The following AHRR variants were observed in gnomAD, a reference collection of about 807,000 sequenced individuals.
AHRR encodes the protein aryl hydrocarbon receptor repressor.
In AHRR, 28 loss-of-function variants were observed where a neutral mutation model predicts 44.0. That is an observed-to-expected ratio of 0.64 (90% CI 0.47 to 0.87). The LOEUF is 0.87. Ranked by LOEUF, AHRR falls within the 40% of genes least tolerant of loss-of-function variation. The pLI, the probability that AHRR is intolerant of heterozygous loss-of-function variation, is 0.00. For synonymous variants in AHRR, 434 were observed against 407.0 expected, an observed-to-expected ratio of 1.07 and a Z score of -0.80; for missense variants, 990 against 953.9, an observed-to-expected ratio of 1.04 and a Z score of -0.50.
intron 4 of AHRR, among the ~76,000 whole-genome samples, chr5:398,580 A>G (rs1734870876): frequency 6.6e-6 from 1 of 152,198 alleles, no homozygotes; most frequent in Non-Finnish European, 1.5e-5. Context: ...CCCAGCAGGC[A>G]GTGTCAGCAC....
At position 387,489 on chromosome 5, in the gene AHRR, T is replaced by A. The variant is rs1734215599; in HGVS notation, c.351+10773T>A. ...CACAGGGACGGATTTTCTCTCCAGG[T>A]GCTTATGTGCACACAAACCTTTGCC... On this transcript the variant is annotated intron_variant, in intron 4 of 10. Transcript: ENST00000684583. The surrounding 1 kb of genome is among the most constrained non-coding windows in gnomAD (Gnocchi z 5.1). Among the ~76,000 whole-genome samples the A allele has an allele frequency of 6.6e-6, 1 of 152,202 alleles. No individual in the cohort carries two copies. Among genetic ancestry groups the A allele is most frequent in the Non-Finnish European group, 1.5e-5 (1 of 68,030 alleles).
rs991544547 is a variant in AHRR, at chr5:419,666, C to T, written c.442-3063C>T. ...TTGTCCTGGCAAAGCCGGGGCCCTC[C>T]ATGGTGCCCGGCTCTTACTGCACAG... On this transcript the variant is annotated intron_variant, in intron 5 of 10. Transcript: ENST00000684583. The surrounding 1 kb of genome is among the most constrained non-coding windows in gnomAD (Gnocchi z 4.4). 1.3e-5 allele frequency among the ~76,000 whole-genome samples: 2 copies of T among 152,162 alleles called. No individual in the cohort carries two copies. The highest frequency in any genetic ancestry group is 1.5e-5 in the Non-Finnish European group (1 of 68,036).
At chr5:334,874 G>A (rs2126338102) in intron 1 of AHRR, among the ~76,000 whole-genome samples, 1 of 147,412 alleles carries the variant, frequency 6.8e-6, no homozygotes. Context: ...TACTGGAGAT[G>A]TGACTGGGAT....
intron 3 of AHRR, among the ~76,000 whole-genome samples, chr5:354,454 G>A (rs1742973377): frequency 1.3e-5 from 2 of 152,186 alleles, no homozygotes; most frequent in African/African-American, 2.4e-5. Context: ...CTGCCCTCTC[G>A]TGGGGAGGGG....
chr5:427,671 G>T (rs1446766609), intron 7 of AHRR, 136 bp from the exon 8 acceptor site: 1 of 1,613,402 alleles, frequency 6.2e-7, no homozygotes, highest in East Asian at 2.2e-5. Flanking sequence ...CTGCGGCTCT[G>T]CTGTCCCGAG....
At chr5:432,099 T>C in intron 8 of AHRR, 1 of 285,348 alleles carries the variant, frequency 3.5e-6, no homozygotes, top group East Asian at 1.0e-4. Context: ...CAGTGTTCAC[T>C]TCCTGGAACA....
chr5:432,253 C>T (rs368438449), intron 8 of AHRR: 24 of 545,466 alleles, frequency 4.4e-5, no homozygotes, highest in African/African-American at 7.6e-5. Context: ...TGAAAAGTGA[C>T]GTGACAATAT....
Position 354,413 on chromosome 5 carries a change from G to A in AHRR, c.244+502G>A, listed in dbSNP as rs573036086. ...GTGCCGGGCGCCTCCCCCTGCCCACGCCAGGCCGTGCCCGGACACAGCTGC... is the reference window on the plus strand; with the variant it reads ...GTGCCGGGCGCCTCCCCCTGCCCACACCAGGCCGTGCCCGGACACAGCTGC... On this transcript the variant is annotated intron_variant, in intron 3 of 10. Transcript: ENST00000684583. Among the ~76,000 whole-genome samples the A allele has an allele frequency of 1.5e-3, 225 of 152,256 alleles. 1 individual carries two copies. Among genetic ancestry groups the A allele is most frequent in the Non-Finnish European group, 7.4e-4 (50 of 67,998 alleles).
intron 8 of AHRR, among the ~76,000 whole-genome samples, chr5:429,685 C>T (rs1268589906): frequency 1.3e-5 from 2 of 152,266 alleles, no homozygotes; most frequent in Non-Finnish European, 2.9e-5. Context: ...GGCCTCCCCA[C>T]TCTGTGGGTA....
At chr5:397,497 C>T (rs1734782204) in intron 4 of AHRR, among the ~76,000 whole-genome samples, 1 of 102,336 alleles carries the variant, frequency 9.8e-6, no homozygotes, top group African/African-American at 3.5e-5. Flanking sequence ...CCACGTAGCC[C>T]CTGACCATCC....
At position 417,007 on chromosome 5, in the gene AHRR, C is replaced by T. The variant is rs184419527; in HGVS notation, c.441+3574C>T. On this transcript the variant is annotated intron_variant, in intron 5 of 10. Coordinates refer to ENST00000684583, the MANE Select transcript of AHRR (RefSeq NM_001377236.1). The stretch of plus-strand genomic sequence containing the variant: ...CAGGGCCCGAGTCTAGAGAAGGCGG[C>T]TTGGTCTTTATGTGCAGGGCCCATG... 5.5e-3 allele frequency among the ~76,000 whole-genome samples: 816 copies of T among 148,842 alleles called. 6 individuals are homozygous for T. The highest frequency in any genetic ancestry group is 0.02 in the African/African-American group (786 of 40,022).
intron 3 of AHRR, among the ~76,000 whole-genome samples, chr5:355,376 G>A (rs903755849): frequency 5.3e-5 from 8 of 152,330 alleles, no homozygotes; most frequent in Admixed American, 1.3e-4. Context: ...CATGGATGGC[G>A]CAGTGCGGCT....
At chr5:340,509 T>C (rs1329067277) in intron 1 of AHRR, among the ~76,000 whole-genome samples, 7 of 150,634 alleles carry the variant, frequency 4.6e-5, no homozygotes, top group Non-Finnish European at 5.9e-5. Flanking sequence ...ATGTTGCTTC[T>C]CTTTTTATAG....
At position 343,491 on chromosome 5, in the gene AHRR, C is replaced by T. The variant is rs570029764; in HGVS notation, c.-10-402C>T. ...CGGGGGTGACGGGAACACGGGATCC[C>T]GCGTGACGAGTGTTTGGAGGCTGCA... On this transcript the variant is annotated intron_variant, in intron 1 of 10. Transcript: ENST00000684583. 5.9e-4 allele frequency: 141 copies of T among 240,320 alleles called. 1 individual carries two copies. The highest frequency in any genetic ancestry group is 9.3e-4 in the Non-Finnish European group (117 of 125,212). 14.9% of individuals were successfully genotyped at this position (240,320 alleles called of 1,614,324 possible). A position where few individuals can be genotyped will look rare whatever the true frequency, so the allele number is the denominator to read the frequency against.
chr5:332,263 CTTTT>C (rs36049046), intron 1 of AHRR, among the ~76,000 whole-genome samples: 1 of 116,980 alleles, frequency 8.5e-6, no homozygotes, highest in Non-Finnish European at 1.7e-5. Context: ...TCTGTTAAGA[CTTTT>C]TTTTTTTTTT....
intron 8 of AHRR, among the ~76,000 whole-genome samples, chr5:431,434 A>C (rs1736726403): frequency 6.6e-6 from 1 of 152,124 alleles, no homozygotes; most frequent in African/African-American, 2.4e-5. Flanking sequence ...AATTCTCCCC[A>C]CCCTGCTCTG....
chr5:334,544 T>TA (rs974046529), intron 1 of AHRR, among the ~76,000 whole-genome samples: 7 of 152,008 alleles, frequency 4.6e-5, no homozygotes, highest in Non-Finnish European at 8.8e-5. Flanking sequence ...TGGTTTTTTT[T>TA]AAAAAATGTA....
chr5:413,535 C>T (rs1735562594), intron 5 of AHRR, 102 bp downstream of exon 5: 2 of 872,008 alleles, frequency 2.3e-6, no homozygotes, highest in African/African-American at 1.7e-5. Context: ...TAAAATCAGG[C>T]TTTTCCTATC....
At chr5:401,958 C>A (rs1735031041) in intron 4 of AHRR, among the ~76,000 whole-genome samples, 1 of 152,102 alleles carries the variant, frequency 6.6e-6, no homozygotes, top group African/African-American at 2.4e-5. Flanking sequence ...GACAGGCCTG[C>A]ACCAAACTGA....
Sources: allele counts gnomAD v4.1 joint callset (sites outside exome capture counted in the v4.1 genomes callset), GRCh38; gene constraint gnomAD v4.1.1; non-coding constraint Gnocchi (gnomAD v3.1); transcripts MANE v1.5; gene names NCBI Gene and HGNC (gene_info 2026-07-23, HGNC 2026-07-21).